HECW2: variants seen among roughly 807,000 people sequenced by gnomAD.
HECW2 encodes the protein E3 ubiquitin-protein ligase HECW2.
A neutral mutation model predicts 175.2 loss-of-function variants in HECW2; 61 were observed. That is an observed-to-expected ratio of 0.35 (90% CI 0.28 to 0.43). The LOEUF (loss-of-function observed/expected upper bound fraction) is 0.43. HECW2 is among the 20% of genes least tolerant of loss of function. The pLI is 1.00. For synonymous variants in HECW2, 671 were observed against 731.0 expected (o/e 0.92, Z 1.32); for missense variants, 1,524 against 2,000.5 (o/e 0.76, Z 4.54).
intron 1 of HECW2, among the ~76,000 whole-genome samples, chr2:196,543,025 A>G (rs1364163467): frequency 6.7e-6 from 1 of 149,818 alleles, no homozygotes; most frequent in Non-Finnish European, 1.5e-5. Flanking sequence ...TGTAATACAC[A>G]CACACACACA....
At chr2:196,553,511 G>A (rs1689672566) in intron 1 of HECW2, among the ~76,000 whole-genome samples, 2 of 152,168 alleles carry the variant, frequency 1.3e-5, no homozygotes, top group South Asian at 4.1e-4. Context: ...AGTAAGCAGA[G>A]CATTACAAAT....
chr2:196,471,958 T>C (rs1468672642), intron 1 of HECW2, among the ~76,000 whole-genome samples: 1 of 144,768 alleles, frequency 6.9e-6, no homozygotes, highest in Admixed American at 6.9e-5. Context: ...TGTGTAGCCC[T>C]GAACCTAAAA....
intron 1 of HECW2, among the ~76,000 whole-genome samples, chr2:196,505,708 A>C (rs1238143706): frequency 6.6e-6 from 1 of 152,196 alleles, no homozygotes; most frequent in Non-Finnish European, 1.5e-5. Context: ...AGGGGACATA[A>C]TGGCTAATCC....
intron 14 of HECW2, among the ~76,000 whole-genome samples, chr2:196,281,247 G>C (rs975447347): frequency 5.6e-5 from 1 of 17,932 alleles, no homozygotes; most frequent in African/African-American, 7.9e-5. Context: ...CTGTGCCTGG[G>C]AGAAAGGGTG....
At chr2:196,431,494 A>T (rs564790072) in intron 2 of HECW2, among the ~76,000 whole-genome samples, 1 of 152,222 alleles carries the variant, frequency 6.6e-6, no homozygotes, top group African/African-American at 2.4e-5. Flanking sequence ...AGGATTTTTT[A>T]AACTACAATT....
intron 19 of HECW2, among the ~76,000 whole-genome samples, chr2:196,243,019 A>G (rs1221800766): frequency 1.3e-5 from 2 of 152,108 alleles, no homozygotes; most frequent in Non-Finnish European, 2.9e-5. Flanking sequence ...GATATGCACT[A>G]TCACCAAGAA....
chr2:196,587,290 T>G (rs1208529974), intron 1 of HECW2, among the ~76,000 whole-genome samples: 1 of 152,224 alleles, frequency 6.6e-6, no homozygotes, highest in Non-Finnish European at 1.5e-5. Flanking sequence ...TGGACAAAGT[T>G]TCATAACAGG....
At chr2:196,413,078 C>T (rs1695158643) in intron 2 of HECW2, among the ~76,000 whole-genome samples, 1 of 152,156 alleles carries the variant, frequency 6.6e-6, no homozygotes, top group South Asian at 2.1e-4. Context: ...TAGAGCTGGG[C>T]ATGATAGCTC....
At position 196,278,129 on chromosome 2, in the gene HECW2, A is replaced by T. The variant is rs1461191114; in HGVS notation, c.3135+399T>A. ...GTACCCTAGAACTTAAAGTATAATT[A>T]AAAAATATATATATATATATATAAA... On this transcript the variant is annotated intron_variant, in intron 15 of 28. Coordinates refer to ENST00000644978, the MANE Select transcript of HECW2 (RefSeq NM_001348768.2). 8.0e-4 allele frequency among the ~76,000 whole-genome samples: 24 copies of T among 30,148 alleles called. 4 individuals carry two copies. The highest frequency in any genetic ancestry group is 1.5e-3 in the African/African-American group (24 of 15,794). The allele number at this position is 30,148 out of a possible 152,430, so 19.8% of individuals were successfully genotyped here.
chr2:196,542,233 C>T (rs1336949974), intron 1 of HECW2, among the ~76,000 whole-genome samples: 1 of 147,046 alleles, frequency 6.8e-6, no homozygotes, highest in Non-Finnish European at 1.5e-5. Flanking sequence ...CACTGCAATC[C>T]AGCCTGGGCG....
chr2:196,537,224 C>T (rs1575649932), intron 1 of HECW2, among the ~76,000 whole-genome samples: 1 of 151,978 alleles, frequency 6.6e-6, no homozygotes, highest in East Asian at 1.9e-4. Flanking sequence ...AAATGTGCTC[C>T]TAGACATAAA....
intron 1 of HECW2, among the ~76,000 whole-genome samples, chr2:196,500,808 C>T (rs966964425): frequency 2.6e-5 from 4 of 152,142 alleles, no homozygotes; most frequent in Admixed American, 6.5e-5. Flanking sequence ...TCTGTATTCC[C>T]CTGTTACTTC....
At chr2:196,548,284 C>A (rs570397360) in intron 1 of HECW2, among the ~76,000 whole-genome samples, 1 of 149,612 alleles carries the variant, frequency 6.7e-6, no homozygotes, top group South Asian at 2.1e-4. Flanking sequence ...GGGCTGAGAT[C>A]TCGCCAGTGC....
chr2:196,312,868 G>A (rs150023768), intron 10 of HECW2, among the ~76,000 whole-genome samples: 3 of 152,270 alleles, frequency 2.0e-5, no homozygotes, highest in African/African-American at 7.2e-5. Context: ...CCTAAACATA[G>A]TAGAAATTCT....
intron 1 of HECW2, among the ~76,000 whole-genome samples, chr2:196,516,114 G>C (rs919147786): frequency 6.6e-6 from 1 of 152,146 alleles, no homozygotes; most frequent in Non-Finnish European, 1.5e-5. Context: ...TCCAGCCTGG[G>C]TGACAGAGCA....
intron 22 of HECW2, among the ~76,000 whole-genome samples, chr2:196,226,500 C>T (rs1022786710): frequency 6.6e-6 from 1 of 152,138 alleles, no homozygotes; most frequent in African/African-American, 2.4e-5. Context: ...GAATCAGTTT[C>T]ACTCATATTT....
At chr2:196,481,637 A>G (rs1686847725) in intron 1 of HECW2, among the ~76,000 whole-genome samples, 2 of 152,254 alleles carry the variant, frequency 1.3e-5, no homozygotes, top group Admixed American at 1.3e-4. Context: ...CTTTCATAAA[A>G]CAAGCTTACA....
chr2:196,474,859 C>T (rs1292709926), intron 1 of HECW2, among the ~76,000 whole-genome samples: 2 of 152,196 alleles, frequency 1.3e-5, no homozygotes, highest in Non-Finnish European at 2.9e-5. Flanking sequence ...AAATTAATCA[C>T]TCTAACATCT....
chr2:196,269,902 C>A (rs1426285755), intron 17 of HECW2, among the ~76,000 whole-genome samples: 3 of 152,172 alleles, frequency 2.0e-5, no homozygotes, highest in Non-Finnish European at 4.4e-5. Flanking sequence ...CTACCCCAGA[C>A]CTCTTGAATT....
Sources: allele counts gnomAD v4.1 joint callset (sites outside exome capture counted in the v4.1 genomes callset), GRCh38; gene constraint gnomAD v4.1.1; transcripts MANE v1.5; gene names NCBI Gene and HGNC (gene_info 2026-07-23, HGNC 2026-07-21).